Variants in RYR1 observed in about 807,000 individuals in gnomAD.
RYR1 encodes the protein central core disease of muscle.
RYR1 carries 342 observed loss-of-function variants against 583.5 expected under a neutral mutation model. The ratio of observed to expected loss-of-function variants is 0.59; its 90% CI spans 0.54 to 0.64. RYR1 has a LOEUF of 0.64. RYR1 is among the 30% of genes least tolerant of loss of function. The pLI, the probability that RYR1 is intolerant of heterozygous loss-of-function variation, is 0.00. For synonymous variants in RYR1, 2,791 were observed against 2,822.5 expected (o/e 0.99, Z 0.35); for missense variants, 6,032 against 6,917.2 (o/e 0.87, Z 4.54).
At chr19:38,582,605 T>G (rs1974265448) in intron 101 of RYR1, among the ~76,000 whole-genome samples, 1 of 152,056 alleles carries the variant, frequency 6.6e-6, no homozygotes, top group Non-Finnish European at 1.5e-5. Context: ...GTGCTATGAC[T>G]GCGCCACTGC....
intron 69 of RYR1, chr19:38,523,579 TCCC>T: frequency 3.3e-6 from 2 of 598,564 alleles, no homozygotes; most frequent in South Asian, 2.0e-5. Context: ...TTCTCCCTCC[TCCC>T]ATTTCCCTCC....
rs536105400 is a variant in RYR1 at position 38,529,114 on chromosome 19, G to T, written c.11141+57G>T. 3 of 1,565,670 alleles carry T rather than the reference G, an allele frequency of 1.9e-6. No homozygotes were observed. In the East Asian group the frequency reaches 6.7e-5, roughly 35 times the overall value. ...CCCCAAGGTCCTGGGGCCACCCCCA[G>T]CCCAGCAGCTTCCCTGTGCCTCAGG... is the stretch of plus-strand genomic sequence containing the variant. On this transcript the variant is annotated intron_variant, in intron 76 of 105. Transcript: ENST00000359596.
At chr19:38,576,861 A>G (rs1380067668) in intron 97 of RYR1, among the ~76,000 whole-genome samples, 2 of 151,736 alleles carry the variant, frequency 1.3e-5, no homozygotes, top group Non-Finnish European at 2.9e-5. Flanking sequence ...AAGCACACAC[A>G]CTCTGGAACC....
intron 29 of RYR1, among the ~76,000 whole-genome samples, chr19:38,477,466 A>T (rs1299593572): frequency 6.6e-6 from 1 of 152,144 alleles, no homozygotes; most frequent in Non-Finnish European, 1.5e-5. Flanking sequence ...TTGTCAGTCT[A>T]CTGTAACCTG....
chr19:38,481,089 G>A (rs1201756584), intron 31 of RYR1, among the ~76,000 whole-genome samples: 1 of 151,978 alleles, frequency 6.6e-6, no homozygotes, highest in East Asian at 1.9e-4. Flanking sequence ...ACCCAGGCTG[G>A]TGCGCAGTGG....
Position 38,528,427 on chromosome 19 carries a change from C to T in RYR1, c.10937+9C>T. ...CTGTACAACCTGCCCACGTAAGGCCCCCAGGGACAAGGGAAGCGTGAAGGG... is the reference window on the plus strand; with the variant it reads ...CTGTACAACCTGCCCACGTAAGGCCTCCAGGGACAAGGGAAGCGTGAAGGG... On this transcript the variant is annotated intron_variant, in intron 74 of 105. Coordinates refer to ENST00000359596, the MANE Select transcript of RYR1 (RefSeq NM_000540.3). The T allele has an allele frequency of 6.2e-7, 1 of 1,613,652 alleles. No homozygotes were observed. The highest frequency in any genetic ancestry group is 8.5e-7 in the Non-Finnish European group (1 of 1,179,614).
At chr19:38,557,118 C>T (rs1293071138) in intron 89 of RYR1, among the ~76,000 whole-genome samples, 1 of 127,454 alleles carries the variant, frequency 7.8e-6, no homozygotes, top group Admixed American at 9.5e-5. Context: ...CAGTGGCATG[C>T]TCTCGGCTCA....
At position 38,573,256 on chromosome 19, in the gene RYR1, C is replaced by G; in HGVS notation, c.14078C>G (p.Pro4693Arg). Residue 4693 changes from proline to arginine, a missense_variant, in exon 96 of 106, where the codon CCT becomes CGT. Around this residue, in one of 11 missense-constraint regions of RYR1, gnomAD observed 188 missense variants for 215.6 expected, o/e 0.87. Coordinates refer to ENST00000359596, the MANE Select transcript of RYR1 (RefSeq NM_000540.3). Reference sequence around the variant, plus strand: ...GATGGCCTGTACATCACGGAGCAGCCTGAGGACGATGACGTGAAGGGGCAG... The same window carrying G: ...GATGGCCTGTACATCACGGAGCAGCGTGAGGACGATGACGTGAAGGGGCAG... The part of the protein sequence containing the change: ...EFDGLYITEQ[P>R]EDDDVKGQWD... 3 of 1,614,052 alleles carry G rather than the reference C, an allele frequency of 1.9e-6. No homozygotes were observed. Among genetic ancestry groups the G allele is most frequent in the Non-Finnish European group, 2.5e-6 (3 of 1,179,980 alleles).
rs184779051 is a variant in RYR1, at chr19:38,491,315, T to C, written c.6127+583T>C. Among the ~76,000 whole-genome samples the C allele has an allele frequency of 2.5e-3, 383 of 152,106 alleles. 2 individuals are homozygous for C. The highest frequency in any genetic ancestry group is 0.014 in the Middle Eastern group (4 of 294). On this transcript the variant is annotated intron_variant, in intron 37 of 105. Transcript: ENST00000359596. ...CTTTTTATCAAAGTTGGAATATTTT[T>C]GACAATTATTTATTCAAATACTTTT...
chr19:38,439,814 T>C (rs1486658603), intron 1 of RYR1, among the ~76,000 whole-genome samples: 1 of 152,226 alleles, frequency 6.6e-6, no homozygotes, highest in Non-Finnish European at 1.5e-5. Context: ...GACTCAATAC[T>C]GTCCTTTATG....
intron 97 of RYR1, among the ~76,000 whole-genome samples, chr19:38,577,452 A>C (rs937160477): frequency 1.3e-5 from 2 of 152,166 alleles, no homozygotes; most frequent in Admixed American, 6.5e-5. Context: ...AGTTGGAAAG[A>C]TAGATGATGA....
chr19:38,480,217 A>G (rs538812249), intron 31 of RYR1, among the ~76,000 whole-genome samples: 1 of 152,082 alleles, frequency 6.6e-6, no homozygotes, highest in East Asian at 1.9e-4. Context: ...ATCTCGACTC[A>G]TTGCAACCTC....
Position 38,433,786 on chromosome 19 carries a change from C to CCCCCCCCCCAG in RYR1, c.-44_-43insCCCCCCCCCAG. 2.1e-6 allele frequency: 3 copies of CCCCCCCCCCAG among 1,441,068 alleles called. No homozygotes were observed. Among genetic ancestry groups the CCCCCCCCCCAG allele is most frequent in the Non-Finnish European group, 2.0e-6 (2 of 1,023,428 alleles). 89.3% of individuals were successfully genotyped at this position (1,441,068 alleles called of 1,614,324 possible). ...TCCCGCCCAGCCCGCAGCCCCCTCCCTCTGTTCCCCGACCTCAGACCCTGG... is the reference window on the plus strand; with the variant it reads ...TCCCGCCCAGCCCGCAGCCCCCTCCCCCCCCCCCCAGTCTGTTCCCCGACCTCAGACCCTGG... On this transcript the variant is annotated 5_prime_UTR_variant, in exon 1 of 106. Coordinates refer to ENST00000359596, the MANE Select transcript of RYR1 (RefSeq NM_000540.3).
chr19:38,583,215 T>G (rs180975051), intron 101 of RYR1, among the ~76,000 whole-genome samples: 8 of 150,584 alleles, frequency 5.3e-5, no homozygotes, highest in African/African-American at 2.0e-4. Context: ...GAGAATCTCT[T>G]GAACCCCGGA....
At chr19:38,506,244 T>C (rs1026771239) in intron 54 of RYR1, 59 bp from the exon 55 acceptor site, 20 of 1,560,300 alleles carry the variant, frequency 1.3e-5, no homozygotes, top group Non-Finnish European at 1.7e-5. Flanking sequence ...GGGGAGGGGC[T>C]GGCCTGGGCT....
chr19:38,475,557 G>T, intron 29 of RYR1, 107 bp downstream of exon 29: 1 of 1,373,542 alleles, frequency 7.3e-7, no homozygotes, highest in South Asian at 1.2e-5. Context: ...CCTTACACTG[G>T]GGACTCCCCA....
chr19:38,535,786 C>A, intron 81 of RYR1: 1 of 633,592 alleles, frequency 1.6e-6, no homozygotes. Context: ...GTTTCTGGTT[C>A]CTCATTATTT....
chr19:38,566,856 A>T, intron 91 of RYR1, 55 bp from the exon 92 acceptor site: 1 of 1,565,576 alleles, frequency 6.4e-7, no homozygotes, highest in South Asian at 1.2e-5. Context: ...GCAGGCAGGC[A>T]GCCTGAGAAG....
Position 38,448,440 on chromosome 19 carries a change from C to T in RYR1, c.886C>T (p.Gln296Ter). The T allele has an allele frequency of 6.2e-7, 1 of 1,613,860 alleles. No individual in the cohort carries two copies. Among genetic ancestry groups the T allele is most frequent in the Non-Finnish European group, 8.5e-7 (1 of 1,180,030 alleles). The change falls in exon 10 of 106, where the codon CAG (glutamine) becomes TAG (stop). Residue 296 changes from glutamine (Q) to a stop codon, truncating the protein, a stop_gained. Transcript: ENST00000359596. LOFTEE classifies it high-confidence loss of function. ...GCAGTACCTAGCGCTCACCGAGGAC[C>T]AGGGCCTGGTGGTGGTTGACGCCAG... is the stretch of plus-strand genomic sequence containing the variant. ...TGQYLALTED[Q>*]GLVVVDASKA...
Sources: allele counts gnomAD v4.1 joint callset (sites outside exome capture counted in the v4.1 genomes callset), GRCh38; gene constraint gnomAD v4.1.1; regional missense constraint gnomAD v4.1.1; transcripts MANE v1.5; gene names NCBI Gene and HGNC (gene_info 2026-07-23, HGNC 2026-07-21).